VAMP4: variants seen among roughly 807,000 people sequenced by gnomAD.
VAMP4 encodes vesicle-associated membrane protein 4.
A neutral mutation model predicts 23.5 loss-of-function variants in VAMP4; 19 were observed. That is an observed-to-expected ratio of 0.81 (90% CI 0.56 to 1.19). The LOEUF (loss-of-function observed/expected upper bound fraction) is 1.19, where lower values mean the gene tolerates loss of function less well. Among genes scored for constraint, VAMP4 ranks in the 50% most tolerant of loss-of-function variants. VAMP4 has a pLI of 0.00. For synonymous variants in VAMP4, 31 were observed against 51.0 expected, an observed-to-expected ratio of 0.61 and a Z score of 1.67; for missense variants, 145 against 168.6, an observed-to-expected ratio of 0.86 and a Z score of 0.78.
At chr1:171,734,137 G>A (rs560454383) in intron 2 of VAMP4, among the ~76,000 whole-genome samples, 2 of 152,050 alleles carry the variant, frequency 1.3e-5, no homozygotes, top group African/African-American at 4.8e-5. Flanking sequence ...GCGTGGTGGT[G>A]TACGCCTGTA....
chr1:171,706,487 C>A, intron 6 of VAMP4, 69 bp from the exon 7 acceptor site: 1 of 1,416,018 alleles, frequency 7.1e-7, no homozygotes, highest in South Asian at 1.3e-5. Flanking sequence ...ATTTGTTGTT[C>A]TATTTACTGC....
intron 3 of VAMP4, among the ~76,000 whole-genome samples, chr1:171,722,409 T>A (rs946551314): frequency 6.6e-6 from 1 of 152,144 alleles, no homozygotes; most frequent in African/African-American, 2.4e-5. Context: ...ACAAATGGGA[T>A]CTCATTAAAC....
At chr1:171,735,692 A>G (rs1261439329) in intron 2 of VAMP4, among the ~76,000 whole-genome samples, 1 of 152,196 alleles carries the variant, frequency 6.6e-6, no homozygotes, top group Non-Finnish European at 1.5e-5. Context: ...ATATTTCAGC[A>G]TGCTTTGTGC....
At chr1:171,712,585 C>G (rs1654883318) in intron 4 of VAMP4, among the ~76,000 whole-genome samples, 2 of 152,170 alleles carry the variant, frequency 1.3e-5, no homozygotes, top group Non-Finnish European at 2.9e-5. Flanking sequence ...GCTTCCCACA[C>G]ATTATTCCAC....
At chr1:171,728,634 A>T in intron 2 of VAMP4, 64 bp from the exon 3 acceptor site, 1 of 1,491,824 alleles carries the variant, frequency 6.7e-7, no homozygotes, top group African/African-American at 1.4e-5. Context: ...GTCACAGAGG[A>T]GTAATGAAAT....
At chr1:171,739,540 T>C (rs1037125083) in intron 1 of VAMP4, among the ~76,000 whole-genome samples, 5 of 152,244 alleles carry the variant, frequency 3.3e-5, no homozygotes, top group African/African-American at 9.6e-5. Context: ...CTCTGATTTA[T>C]AGCCAGTCAG....
At chr1:171,715,659 G>A (rs1412995562) in intron 4 of VAMP4, among the ~76,000 whole-genome samples, 2 of 152,240 alleles carry the variant, frequency 1.3e-5, no homozygotes, top group East Asian at 3.9e-4. Flanking sequence ...ATAAATGTCA[G>A]TGCCCTTCGA....
At chr1:171,720,786 A>T (rs946794408) in intron 3 of VAMP4, among the ~76,000 whole-genome samples, 2 of 152,058 alleles carry the variant, frequency 1.3e-5, no homozygotes, top group South Asian at 4.1e-4. Context: ...AAAAAGACAG[A>T]ACTTTCCCAA....
At chr1:171,714,762 C>A (rs1249250195) in intron 4 of VAMP4, among the ~76,000 whole-genome samples, 1 of 152,012 alleles carries the variant, frequency 6.6e-6, no homozygotes, top group Non-Finnish European at 1.5e-5. Flanking sequence ...AGAGTGAGAA[C>A]CTGTGTCTAA....
In VAMP4 at chr1:171,742,006, G is replaced by A. The variant is rs895891480; in HGVS notation, c.-146C>T. 2.6e-5 allele frequency: 4 copies of A among 152,234 alleles called. No homozygotes were observed. Among genetic ancestry groups the A allele is most frequent in the South Asian group, 2.1e-4 (1 of 4,832 alleles). The allele number at this position is 152,234 out of a possible 1,614,324, so 9.4% of individuals were successfully genotyped here. On this transcript the variant is annotated 5_prime_UTR_variant, in exon 1 of 8. Transcript: ENST00000236192. The stretch of plus-strand genomic sequence containing the variant: ...AAGCCGAGGTAAGAAGCTGGGAGGG[G>A]GAGACAGTTGGTGCGGACCCGGCGT...
chr1:171,706,363 T>C lies in VAMP4; in HGVS notation c.397+4A>G, dbSNP rs1232384041. ...TAGGAAGTAATAATCCAATAAATAC[T>C]TACTGATAATCACTAGCAAAAGGAT... On this transcript the variant is annotated splice_donor_region_variant and intron_variant, in intron 7 of 7. Coordinates refer to ENST00000236192, the MANE Select transcript of VAMP4 (RefSeq NM_003762.5). 3 of 1,607,286 alleles carry C rather than the reference T, an allele frequency of 1.9e-6. No homozygotes were observed. Among genetic ancestry groups the C allele is most frequent in the Non-Finnish European group, 2.5e-6 (3 of 1,177,066 alleles).
chr1:171,708,740 G>T (rs1654749351), intron 6 of VAMP4, among the ~76,000 whole-genome samples: 1 of 151,478 alleles, frequency 6.6e-6, no homozygotes, highest in Admixed American at 6.6e-5. Flanking sequence ...GCTGGGCATG[G>T]TGGCACATGT....
intron 2 of VAMP4, among the ~76,000 whole-genome samples, chr1:171,731,996 C>T (rs1434551884): frequency 2.0e-5 from 3 of 151,974 alleles, no homozygotes; most frequent in East Asian, 1.9e-4. Flanking sequence ...ACAGAAGCTG[C>T]GCAAATTATG....
chr1:171,726,066 G>T (rs878909265), intron 3 of VAMP4, among the ~76,000 whole-genome samples: 11 of 148,600 alleles, frequency 7.4e-5, no homozygotes, highest in African/African-American at 1.5e-4. Context: ...ATTTTTTTTT[G>T]GGGGGGGCGA....
intron 3 of VAMP4, among the ~76,000 whole-genome samples, chr1:171,721,946 A>C (rs1655206883): frequency 6.6e-6 from 1 of 152,224 alleles, no homozygotes; most frequent in Non-Finnish European, 1.5e-5. Context: ...CACATTGCCA[A>C]GACAATCCTA....
intron 6 of VAMP4, among the ~76,000 whole-genome samples, chr1:171,708,214 G>A (rs1327826327): frequency 6.6e-6 from 1 of 151,338 alleles, no homozygotes; most frequent in East Asian, 1.9e-4. Flanking sequence ...CAGGAGAATC[G>A]CTTGAACCTG....
chr1:171,727,806 A>G (rs1409315664), intron 3 of VAMP4, among the ~76,000 whole-genome samples: 1 of 152,210 alleles, frequency 6.6e-6, no homozygotes, highest in Non-Finnish European at 1.5e-5. Context: ...CTCAAAAACC[A>G]TGCTGAATAA....
At chr1:171,718,560 G>GT (rs1655092989) in intron 4 of VAMP4, among the ~76,000 whole-genome samples, 1 of 151,916 alleles carries the variant, frequency 6.6e-6, no homozygotes, top group South Asian at 2.1e-4. Context: ...TACCTCAAAG[G>GT]TTTTAAACCA....
intron 3 of VAMP4, among the ~76,000 whole-genome samples, chr1:171,722,406 G>A (rs1259204442): frequency 6.6e-6 from 1 of 152,082 alleles, no homozygotes; most frequent in Non-Finnish European, 1.5e-5. Context: ...TTGACAAATG[G>A]GATCTCATTA....
Sources: allele counts gnomAD v4.1 joint callset (sites outside exome capture counted in the v4.1 genomes callset), GRCh38; gene constraint gnomAD v4.1.1; transcripts MANE v1.5; gene names NCBI Gene and HGNC (gene_info 2026-07-23, HGNC 2026-07-21).